CATSPER3: variants seen among roughly 807,000 people sequenced by gnomAD.
CATSPER3 encodes the protein cation channel sperm-associated protein 3.
Under a neutral mutation model 36.6 loss-of-function variants are expected in CATSPER3, and 23 were observed. The ratio of observed to expected loss-of-function variants is 0.63; its 90% CI spans 0.45 to 0.89. The LOEUF (loss-of-function observed/expected upper bound fraction) is 0.89, where lower values mean the gene tolerates loss of function less well. Ranked by LOEUF, CATSPER3 falls within the 40% of genes least tolerant of loss-of-function variation. The pLI is 0.00. For synonymous variants in CATSPER3, 172 were observed against 184.1 expected (o/e 0.93, Z 0.53); for missense variants, 474 against 503.9 (o/e 0.94, Z 0.57).
At chr5:134,982,371 A>G (rs1161601963) in intron 2 of CATSPER3, among the ~76,000 whole-genome samples, 1 of 152,198 alleles carries the variant, frequency 6.6e-6, no homozygotes, top group African/African-American at 2.4e-5. Flanking sequence ...AAGAAGGAGA[A>G]ACATAAAAAG....
chr5:135,008,151 G>C lies in CATSPER3; in HGVS notation c.675+12G>C, dbSNP rs1183945995. 38 of 1,611,744 alleles carry C rather than the reference G, an allele frequency of 2.4e-5. No homozygotes were observed. Among genetic ancestry groups the C allele is most frequent in the Non-Finnish European group, 3.1e-5 (37 of 1,178,012 alleles). ...TCAGCTTGGCCACGGTACTGTGTTT[G>C]GGAACAGTGGTGAGGGCAGGGGCCT... On this transcript the variant is annotated intron_variant, in intron 4 of 7. Coordinates refer to ENST00000282611, the MANE Select transcript of CATSPER3 (RefSeq NM_178019.3).
chr5:134,996,410 C>T lies in CATSPER3; in HGVS notation c.390C>T (p.Ala130=). 2 of 1,614,236 alleles carry T rather than the reference C, an allele frequency of 1.2e-6. No individual in the cohort carries two copies. Among genetic ancestry groups the T allele is most frequent in the Non-Finnish European group, 1.7e-6 (2 of 1,180,032 alleles). The change falls in exon 3 of 8, where the codon GCC becomes GCT. Residue 130 remains alanine, a synonymous_variant. Coordinates refer to ENST00000282611, the MANE Select transcript of CATSPER3 (RefSeq NM_178019.3). ...TCATCGTTATGTTTTTACCCTATGC[C>T]CTCCGCCAGCTCATGGGCAAACAGT... ...IIIIVMFLPY[A]LRQLMGKQFT...
intron 2 of CATSPER3, among the ~76,000 whole-genome samples, chr5:134,987,013 A>G (rs1187028168): frequency 1.3e-5 from 2 of 152,154 alleles, no homozygotes; most frequent in East Asian, 3.8e-4. Flanking sequence ...ATAACAAAAT[A>G]CTAGAACGAG....
intron 2 of CATSPER3, among the ~76,000 whole-genome samples, chr5:134,971,595 G>A (rs1751607744): frequency 6.6e-6 from 1 of 152,126 alleles, no homozygotes; most frequent in African/African-American, 2.4e-5. Context: ...AAGTGTGATG[G>A]GCTGATGTGA....
intron 5 of CATSPER3, 79 bp from the exon 6 acceptor site, chr5:135,009,292 C>A: frequency 6.8e-7 from 1 of 1,475,612 alleles, no homozygotes; most frequent in Non-Finnish European, 9.5e-7. Context: ...AGCAGCGGTG[C>A]AAGACTGGGG....
At chr5:134,978,285 A>C (rs1309264054) in intron 2 of CATSPER3, among the ~76,000 whole-genome samples, 1 of 152,204 alleles carries the variant, frequency 6.6e-6, no homozygotes, top group Non-Finnish European at 1.5e-5. Flanking sequence ...ATACTTCAAA[A>C]TAGCTAGAAG....
intron 3 of CATSPER3, among the ~76,000 whole-genome samples, chr5:134,998,013 G>A (rs1751971674): frequency 6.6e-6 from 1 of 152,096 alleles, no homozygotes; most frequent in South Asian, 2.1e-4. Flanking sequence ...ATGTTGGTGT[G>A]CTGCACCCAT....
chr5:135,007,832 T>C, intron 3 of CATSPER3, 125 bp from the exon 4 acceptor site: 1 of 385,346 alleles, frequency 2.6e-6, no homozygotes, highest in Non-Finnish European at 5.1e-6. Context: ...ATTGAGCATC[T>C]ACCTTGTGCC....
Position 134,969,622 on chromosome 5 carries a change from TG to T in CATSPER3, c.99-316del, listed in dbSNP as rs1436707893. On this transcript the variant is annotated intron_variant, in intron 1 of 7. Transcript: ENST00000282611. ...CCAGTGCCTACTAGATTGCTTGATA[TG>T]TAGTTGCCACTCAATAAAGATTTGT... 8 of 384,566 alleles carry T rather than the reference TG, an allele frequency of 2.1e-5. 1 individual carries two copies. The allele number at this position is 384,566 out of a possible 1,614,324, so 23.8% of individuals were successfully genotyped here.
At chr5:134,976,135 T>A (rs1751669782) in intron 2 of CATSPER3, among the ~76,000 whole-genome samples, 1 of 152,190 alleles carries the variant, frequency 6.6e-6, no homozygotes, top group Admixed American at 6.5e-5. Flanking sequence ...TGAGGCTGGG[T>A]AATTTATAAA....
At chr5:134,996,621 C>G in intron 3 of CATSPER3, 109 bp downstream of exon 3, 1 of 1,078,614 alleles carries the variant, frequency 9.3e-7, no homozygotes. Context: ...GTTGTTGAGT[C>G]CAACGTGTGT....
At chr5:134,986,556 G>T (rs1456630212) in intron 2 of CATSPER3, among the ~76,000 whole-genome samples, 22 of 151,362 alleles carry the variant, frequency 1.5e-4, no homozygotes, top group Non-Finnish European at 1.5e-5. Flanking sequence ...CTGCCTCCCG[G>T]GTTCAAGCAA....
intron 2 of CATSPER3, among the ~76,000 whole-genome samples, chr5:134,975,623 A>G (rs1751664373): frequency 6.6e-6 from 1 of 152,226 alleles, no homozygotes; most frequent in Non-Finnish European, 1.5e-5. Context: ...TTATTAAAAG[A>G]CAACAAATAA....
At chr5:134,994,104 G>A (rs1311277572) in intron 2 of CATSPER3, among the ~76,000 whole-genome samples, 3 of 152,280 alleles carry the variant, frequency 2.0e-5, no homozygotes, top group African/African-American at 4.8e-5. Flanking sequence ...CAGCCTGGGT[G>A]ACAGATTGAG....
intron 2 of CATSPER3, among the ~76,000 whole-genome samples, chr5:134,984,162 C>T (rs1433209508): frequency 6.6e-6 from 1 of 152,166 alleles, no homozygotes; most frequent in East Asian, 1.9e-4. Context: ...TTACATCTAA[C>T]ACCTGAAACC....
intron 2 of CATSPER3, chr5:134,995,924 T>C (rs1751939308): frequency 8.2e-6 from 3 of 366,168 alleles, no homozygotes; most frequent in Non-Finnish European, 1.6e-5. Flanking sequence ...AAAGTTTGTA[T>C]ATTCATGTTG....
rs35542434 is a variant in CATSPER3, at chr5:134,986,146, C to CTT, written c.253-10115_253-10114dup. On this transcript the variant is annotated intron_variant, in intron 2 of 7. Coordinates refer to ENST00000282611, the MANE Select transcript of CATSPER3 (RefSeq NM_178019.3). ...ATATGTGTAAATTAAACAGCATACT[C>CTT]TTTTTTTTTTTTTCTGAGATGGAGT... 9.2e-4 allele frequency among the ~76,000 whole-genome samples: 135 copies of CTT among 146,198 alleles called. 2 individuals carry two copies. The highest frequency in any genetic ancestry group is 6.2e-3 in the Admixed American group (90 of 14,618).
rs1752148613 is a variant in CATSPER3 at position 135,009,424 on chromosome 5, C to T, written c.870C>T (p.Leu290=). The T allele has an allele frequency of 1.2e-6, 2 of 1,613,128 alleles. No homozygotes were observed. The highest frequency in any genetic ancestry group is 1.7e-6 in the Non-Finnish European group (2 of 1,179,360). ...RELMLEQQEM[L]MGEKQVILQR... is the part of the protein sequence containing the mutation. ...TGATGTTGGAGCAGCAGGAGATGCT[C>T]ATGGGAGAGAAGCAGGTGATTCTGC... Residue 290 remains leucine, a synonymous_variant, in exon 6 of 8, where the codon CTC becomes CTT. Transcript: ENST00000282611.
At chr5:135,004,285 A>C (rs1448164289) in intron 3 of CATSPER3, among the ~76,000 whole-genome samples, 1 of 152,154 alleles carries the variant, frequency 6.6e-6, no homozygotes, top group Admixed American at 6.5e-5. Context: ...GGCGTCCCAC[A>C]CTACTGGGAG....
Sources: gnomAD v4.1 joint callset for allele counts (sites outside exome capture counted in the v4.1 genomes callset) on GRCh38, gnomAD v4.1.1 for gene constraint, MANE v1.5 for transcripts, NCBI Gene and HGNC (gene_info 2026-07-23, HGNC 2026-07-21) for gene names.